CREB1: variants seen among roughly 807,000 people sequenced by gnomAD.
CREB1 encodes the protein cyclic AMP-responsive element-binding protein 1.
In CREB1, 2 loss-of-function variants were observed where a neutral mutation model predicts 42.0. The ratio of observed to expected loss-of-function variants is 0.05; its 90% CI spans 0.02 to 0.15. The LOEUF (loss-of-function observed/expected upper bound fraction) is 0.15. Ranked by LOEUF, CREB1 falls within the 10% of genes least tolerant of loss-of-function variation. CREB1 has a pLI of 1.00. For missense variants in CREB1, 199 were observed against 388.9 expected, an observed-to-expected ratio of 0.51 and a Z score of 4.11; for synonymous variants, 123 against 139.9, an observed-to-expected ratio of 0.88 and a Z score of 0.85.
intron 3 of CREB1, among the ~76,000 whole-genome samples, chr2:207,563,710 G>A (rs1217888015): frequency 6.6e-6 from 1 of 152,194 alleles, no homozygotes; most frequent in East Asian, 1.9e-4. Flanking sequence ...TTGGGAGGCT[G>A]AGGCGGGCGG....
chr2:207,577,021 A>C (rs758934231), intron 6 of CREB1: 20 of 924,402 alleles, frequency 2.2e-5, no homozygotes, highest in Non-Finnish European at 2.5e-5. Flanking sequence ...TTTTAATTCA[A>C]AATTTATAAT....
At chr2:207,553,307 G>A (rs1271659023) in intron 1 of CREB1, among the ~76,000 whole-genome samples, 4 of 151,968 alleles carry the variant, frequency 2.6e-5, no homozygotes, top group African/African-American at 9.7e-5. Context: ...GACCTCAGGC[G>A]ATCCACCCGC....
At chr2:207,557,070 A>C (rs1327119589) in intron 2 of CREB1, among the ~76,000 whole-genome samples, 1 of 152,084 alleles carries the variant, frequency 6.6e-6, no homozygotes, top group Non-Finnish European at 1.5e-5. Flanking sequence ...TCCGGGAGGC[A>C]GAGGTTGCAG....
rs1353734498 is a variant in CREB1, at chr2:207,602,117, T to TTAA, written c.*5060_*5062dup. 4.9e-6 allele frequency: 1 copy of TTAA among 203,646 alleles called. No homozygotes were observed. The highest frequency in any genetic ancestry group is 1.0e-5 in the Non-Finnish European group (1 of 99,396). The allele number at this position is 203,646 out of a possible 1,614,324, so 12.6% of individuals were successfully genotyped here. A position where few individuals can be genotyped will look rare whatever the true frequency, so the allele number is the denominator to read the frequency against. ...GTTCTTATTGATTAGTGAATGTAGC[T>TTAA]TAAGCCTTTGTATGTGTCCTCAGGG... On this transcript the variant is annotated 3_prime_UTR_variant, in exon 8 of 8. Transcript: ENST00000353267.
chr2:207,550,485 GT>G, intron 1 of CREB1: 1 of 152,156 alleles, frequency 6.6e-6, no homozygotes, highest in African/African-American at 2.4e-5. Context: ...AGTTTTAAAA[GT>G]TTACTAGGTT....
chr2:207,579,825 T>G (rs1284077676), intron 7 of CREB1, among the ~76,000 whole-genome samples: 4 of 152,152 alleles, frequency 2.6e-5, no homozygotes, highest in Non-Finnish European at 5.9e-5. Flanking sequence ...AGGTACAAAT[T>G]CCCTCCCACT....
chr2:207,546,936 G>T (rs947157560), intron 1 of CREB1, among the ~76,000 whole-genome samples: 1 of 152,104 alleles, frequency 6.6e-6, no homozygotes, highest in Non-Finnish European at 1.5e-5. Flanking sequence ...TTAGCATATT[G>T]CATAATAGTC....
chr2:207,532,346 A>G (rs144337509), intron 1 of CREB1, among the ~76,000 whole-genome samples: 1 of 151,662 alleles, frequency 6.6e-6, no homozygotes, highest in Non-Finnish European at 1.5e-5. Flanking sequence ...AAAAGAAAGA[A>G]TATATGACTC....
intron 1 of CREB1, among the ~76,000 whole-genome samples, chr2:207,541,694 T>C (rs1213915335): frequency 2.6e-5 from 4 of 152,212 alleles, no homozygotes; most frequent in Non-Finnish European, 2.9e-5. Flanking sequence ...TTTATTGAAA[T>C]ATAATTCACA....
At chr2:207,561,026 C>G (rs893852545) in intron 3 of CREB1, 61 of 1,089,866 alleles carry the variant, frequency 5.6e-5, no homozygotes, top group Non-Finnish European at 8.1e-5. Flanking sequence ...CAGTATAGAT[C>G]ATTGCAATTG....
At chr2:207,570,617 G>T (rs2082316595) in intron 5 of CREB1, among the ~76,000 whole-genome samples, 2 of 151,916 alleles carry the variant, frequency 1.3e-5, no homozygotes, top group African/African-American at 4.8e-5. Context: ...GAGACCCTAG[G>T]TTTGAGGCCT....
intron 1 of CREB1, among the ~76,000 whole-genome samples, chr2:207,535,960 A>G (rs1172627069): frequency 6.6e-6 from 1 of 151,922 alleles, no homozygotes; most frequent in Non-Finnish European, 1.5e-5. Context: ...GAGTGGGACA[A>G]CAGGCGCGCA....
chr2:207,596,673 T>A (rs1391715540), intron 7 of CREB1, among the ~76,000 whole-genome samples: 1 of 152,174 alleles, frequency 6.6e-6, no homozygotes, highest in African/African-American at 2.4e-5. Flanking sequence ...CCTCAGGTGA[T>A]CTCCCTGCCT....
chr2:207,537,200 G>T (rs1002801532), intron 1 of CREB1, among the ~76,000 whole-genome samples: 2 of 151,860 alleles, frequency 1.3e-5, no homozygotes, highest in African/African-American at 4.8e-5. Flanking sequence ...GATTACAGGC[G>T]CCTGCCACCA....
chr2:207,575,553 T>A, intron 6 of CREB1, 99 bp downstream of exon 6: 1 of 996,156 alleles, frequency 1.0e-6, no homozygotes, highest in Non-Finnish European at 1.5e-6. Context: ...AAACCACCAT[T>A]CAAATGTAGT....
In CREB1 at chr2:207,573,699, C is replaced by T. The variant is rs145978233; in HGVS notation, c.506-1573C>T. Among the ~76,000 whole-genome samples, 16 of 152,296 alleles carry T rather than the reference C, an allele frequency of 1.1e-4. No individual in the cohort carries two copies. The East Asian group carries it at 2.7e-3, about 26-fold the overall frequency. On this transcript the variant is annotated intron_variant, in intron 5 of 7. Transcript: ENST00000353267. ...AGTGAGCTGTGATCTTGCCACTGCA[C>T]TCCAGCCTGGAAGACAGAACAAGAC... is the stretch of plus-strand genomic sequence containing the variant.
chr2:207,596,460 TCTCA>T (rs1218796710), intron 7 of CREB1, among the ~76,000 whole-genome samples: 1 of 152,176 alleles, frequency 6.6e-6, no homozygotes. Flanking sequence ...TGAGACGGAG[TCTCA>T]CTCTTGTCAC....
chr2:207,585,644 C>G (rs949434309), intron 7 of CREB1, among the ~76,000 whole-genome samples: 6 of 152,050 alleles, frequency 3.9e-5, no homozygotes, highest in Non-Finnish European at 7.4e-5. Context: ...GAAAACTCAG[C>G]AAGAAACAAC....
At chr2:207,567,405 TAAA>T (rs2082181328) in intron 3 of CREB1, 55 bp from the exon 4 acceptor site, 3 of 1,261,060 alleles carry the variant, frequency 2.4e-6, no homozygotes, top group Non-Finnish European at 3.4e-6. Flanking sequence ...ATTTGTTTAA[TAAA>T]AATTTTACAG....
Sources: allele counts gnomAD v4.1 joint callset (sites outside exome capture counted in the v4.1 genomes callset), GRCh38; gene constraint gnomAD v4.1.1; transcripts MANE v1.5; gene names NCBI Gene and HGNC (gene_info 2026-07-23, HGNC 2026-07-21).